The following PVT1 variants were observed in gnomAD, a reference collection of about 807,000 sequenced individuals.
The protein encoded by PVT1 is CXCR4/PVT1 fusion.
chr8:127,857,839 A>G (rs1815177994), intron 2 of PVT1, among the ~76,000 whole-genome samples: 1 of 152,376 alleles, frequency 6.6e-6, no homozygotes, highest in Admixed American at 6.5e-5. Context: ...GAATGAATGA[A>G]TGGATATTAA....
chr8:127,802,563 GATA>G (rs144900106), intron 2 of PVT1, among the ~76,000 whole-genome samples: 8,520 of 152,238 alleles, frequency 0.056, 313 homozygotes, highest in Middle Eastern at 0.085. Flanking sequence ...ATATTGAACT[GATA>G]ATGTTTTGGA....
At chr8:127,908,775 G>A (rs966144143) in intron 3 of PVT1, among the ~76,000 whole-genome samples, 78 of 152,296 alleles carry the variant, frequency 5.1e-4, no homozygotes, top group African/African-American at 1.7e-3. Context: ...CTTGGAGTGC[G>A]GGAGGAAGGG....
intron 4 of PVT1, among the ~76,000 whole-genome samples, chr8:127,991,718 T>G (rs1817043721): frequency 6.6e-6 from 1 of 152,138 alleles, no homozygotes; most frequent in South Asian, 2.1e-4. Context: ...AGTGCTGGGT[T>G]TCTGAGGCCC....
intron 4 of PVT1, among the ~76,000 whole-genome samples, chr8:128,007,459 A>G (rs1009273303): frequency 6.6e-5 from 10 of 152,106 alleles, no homozygotes; most frequent in African/African-American, 2.2e-4. Flanking sequence ...AAACCATGAG[A>G]TAGATTTATA....
At chr8:127,942,256 A>T (rs551935954) in intron 3 of PVT1, among the ~76,000 whole-genome samples, 1 of 152,268 alleles carries the variant, frequency 6.6e-6, no homozygotes, top group Non-Finnish European at 1.5e-5. Flanking sequence ...AGGGTCGTTG[A>T]GCAATGTGGA....
intron 2 of PVT1, among the ~76,000 whole-genome samples, chr8:127,880,979 G>T (rs79743657): frequency 0.012 from 1,783 of 152,318 alleles, 39 homozygotes; most frequent in African/African-American, 0.041. Context: ...GGCAGAACCC[G>T]AATGTCAGTA....
chr8:128,010,493 C>G (rs1183853998), intron 4 of PVT1: 2 of 152,184 alleles, frequency 1.3e-5, no homozygotes, highest in Non-Finnish European at 2.9e-5. Flanking sequence ...GCCTTCTTTT[C>G]CGCACAAGAA....
chr8:127,809,943 G>A (rs945030594), intron 2 of PVT1, among the ~76,000 whole-genome samples: 8 of 152,180 alleles, frequency 5.3e-5, no homozygotes, highest in African/African-American at 1.2e-4. Flanking sequence ...TCATTTTGTC[G>A]GTGAAAAGCC....
At chr8:128,093,505 TGAG>T (rs1814386932) in intron 5 of PVT1, among the ~76,000 whole-genome samples, 1 of 151,384 alleles carries the variant, frequency 6.6e-6, no homozygotes, top group Non-Finnish European at 1.5e-5. Context: ...TGCAGTGAAC[TGAG>T]ATCGCGCCAT....
chr8:128,024,889 G>T (rs1028140806), intron 4 of PVT1, among the ~76,000 whole-genome samples: 11 of 152,186 alleles, frequency 7.2e-5, no homozygotes, highest in Non-Finnish European at 1.5e-4. Flanking sequence ...TTTTATAGAG[G>T]TGGGGTCTCG....
At chr8:128,082,572 T>C (rs188512453) in intron 5 of PVT1, among the ~76,000 whole-genome samples, 2 of 152,322 alleles carry the variant, frequency 1.3e-5, no homozygotes, top group Non-Finnish European at 2.9e-5. Flanking sequence ...AGGCACCAAG[T>C]CTCAGGGAAG....
At chr8:127,807,997 T>C (rs1395295852) in intron 2 of PVT1, among the ~76,000 whole-genome samples, 2 of 151,998 alleles carry the variant, frequency 1.3e-5, no homozygotes, top group Admixed American at 1.3e-4. Context: ...CTCGATCTCC[T>C]GACCTCATGA....
intron 3 of PVT1, among the ~76,000 whole-genome samples, chr8:127,917,811 G>A (rs1404373991): frequency 2.0e-5 from 3 of 152,224 alleles, no homozygotes; most frequent in Non-Finnish European, 4.4e-5. Context: ...CTCTCTGTCC[G>A]GTTAGTCAGC....
At chr8:127,894,723 T>C (rs756690538) in intron 3 of PVT1, among the ~76,000 whole-genome samples, 5 of 152,242 alleles carry the variant, frequency 3.3e-5, no homozygotes, top group Non-Finnish European at 4.4e-5. Context: ...AAAAATACTA[T>C]TAGTGACATG....
intron 4 of PVT1, among the ~76,000 whole-genome samples, chr8:128,000,153 C>A (rs1202302240): frequency 6.6e-6 from 1 of 152,220 alleles, no homozygotes; most frequent in Non-Finnish European, 1.5e-5. Flanking sequence ...TCTTCCCCTG[C>A]ACACTGCTCC....
intron 3 of PVT1, among the ~76,000 whole-genome samples, chr8:127,937,897 A>G (rs919394591): frequency 1.3e-5 from 2 of 152,208 alleles, no homozygotes; most frequent in Non-Finnish European, 2.9e-5. Context: ...TAACAGAGCT[A>G]GAATTTAGTC....
intron 3 of PVT1, among the ~76,000 whole-genome samples, chr8:127,984,881 CTTTCTTTCTTTCTT>C (rs1183601426): frequency 6.4e-5 from 6 of 93,242 alleles, no homozygotes; most frequent in African/African-American, 2.3e-4. Context: ...TTCTTTCTTT[CTTTCTTTCTTTCTT>C]TCTTTCTTTC....
At chr8:127,837,973 C>T (rs1814928227) in intron 2 of PVT1, among the ~76,000 whole-genome samples, 1 of 151,658 alleles carries the variant, frequency 6.6e-6, no homozygotes, top group Admixed American at 6.6e-5. Context: ...TCTCGGCTCA[C>T]TGCAACCTCC....
At chr8:128,052,087 CA>C (rs1374901098) in intron 4 of PVT1, among the ~76,000 whole-genome samples, 5 of 152,266 alleles carry the variant, frequency 3.3e-5, no homozygotes, top group Non-Finnish European at 1.5e-5. Context: ...GAAAGCTGTT[CA>C]CCAGTCAAGA....
Sources: gnomAD v4.1 joint callset for allele counts (sites outside exome capture counted in the v4.1 genomes callset) on GRCh38, gnomAD v4.1.1 for gene constraint, MANE v1.5 for transcripts, NCBI Gene and HGNC (gene_info 2026-07-23, HGNC 2026-07-21) for gene names.